The following SORL1 variants were observed in gnomAD, a reference collection of about 807,000 sequenced individuals.
The protein encoded by SORL1 is sortilin related receptor 1, also known as sortilin-related receptor.
Under a neutral mutation model 273.7 loss-of-function variants are expected in SORL1, and 127 were observed. The observed-to-expected ratio is 0.46, with a 90% CI of 0.40 to 0.54. The LOEUF (loss-of-function observed/expected upper bound fraction) is 0.54. Ranked by LOEUF, SORL1 falls within the 20% of genes least tolerant of loss-of-function variation. The probability of loss-of-function intolerance (pLI) is 0.00; values close to 1 mark genes in which losing one functional copy is unlikely to be tolerated. For missense variants in SORL1, 2,494 were observed against 2,846.1 expected (o/e 0.88, Z 2.81); for synonymous variants, 1,031 against 1,067.4 (o/e 0.97, Z 0.66).
At chr11:121,461,531 C>T (rs1201260721) in intron 1 of SORL1, among the ~76,000 whole-genome samples, 1 of 152,168 alleles carries the variant, frequency 6.6e-6, no homozygotes, top group Non-Finnish European at 1.5e-5. Flanking sequence ...TTATAGCTGC[C>T]CTCACAGGGT....
intron 3 of SORL1, among the ~76,000 whole-genome samples, chr11:121,479,828 G>A (rs553426951): frequency 9.2e-5 from 14 of 152,100 alleles, no homozygotes; most frequent in Non-Finnish European, 1.9e-4. Context: ...GAGTGGAGTG[G>A]CAGTTAGGAG....
At chr11:121,537,157 A>T (rs1862278944) in intron 12 of SORL1, among the ~76,000 whole-genome samples, 1 of 152,202 alleles carries the variant, frequency 6.6e-6, no homozygotes, top group African/African-American at 2.4e-5. Context: ...CCAGGTGGGA[A>T]GTAGTGAGAA....
At chr11:121,510,131 C>G (rs1346375921) in intron 6 of SORL1, among the ~76,000 whole-genome samples, 1 of 152,116 alleles carries the variant, frequency 6.6e-6, no homozygotes, top group Admixed American at 6.5e-5. Context: ...GGAAAGATGT[C>G]TAAGATACAT....
At chr11:121,486,664 A>G (rs962368699) in intron 3 of SORL1, among the ~76,000 whole-genome samples, 3 of 151,928 alleles carry the variant, frequency 2.0e-5, no homozygotes, top group Non-Finnish European at 4.4e-5. Flanking sequence ...TATTTTTAGT[A>G]GAGATGGGTT....
rs1387714225 is a variant in SORL1, at chr11:121,452,672, C to T, written c.285+56C>T. The T allele has an allele frequency of 9.5e-6, 13 of 1,370,790 alleles. No homozygotes were observed. The highest frequency in any genetic ancestry group is 1.1e-5 in the Non-Finnish European group (12 of 1,058,004). 84.9% of individuals were successfully genotyped at this position (1,370,790 alleles called of 1,614,324 possible). On this transcript the variant is annotated intron_variant, in intron 1 of 47. Transcript: ENST00000260197. This position sits in a 1 kb window ranked among gnomAD's most constrained non-coding sequence, Gnocchi z 5.3. ...GTTTTTTCCTCTCCCTGCACTTCCT[C>T]ACCCCCGCATCCATCCGTTGCAGTC... is the stretch of plus-strand genomic sequence containing the variant.
chr11:121,614,497 A>G (rs1390900793), intron 40 of SORL1: 1 of 186,586 alleles, frequency 5.4e-6, no homozygotes, highest in Non-Finnish European at 1.1e-5. Flanking sequence ...CTGCTGTAAC[A>G]CTGTGATGGG....
At position 121,618,953 on chromosome 11, in the gene SORL1, T is replaced by G. The variant is rs1863681564; in HGVS notation, c.5724+60T>G. 3.8e-6 allele frequency: 6 copies of G among 1,595,008 alleles called. No individual in the cohort carries two copies. In the Admixed American group the frequency reaches 1.0e-4, roughly 27 times the overall value. On this transcript the variant is annotated intron_variant, in intron 42 of 47. Transcript: ENST00000260197. ...ATGTCTTAAGTCCTGGGCTCTGGTC[T>G]CAACCCAGGACCTGGGGAGCTTGCA...
At chr11:121,504,071 A>G (rs1861752610) in intron 6 of SORL1, among the ~76,000 whole-genome samples, 1 of 152,080 alleles carries the variant, frequency 6.6e-6, no homozygotes, top group Non-Finnish European at 1.5e-5. Flanking sequence ...ATTTCTTTCA[A>G]CTGGGTTTTC....
intron 23 of SORL1, among the ~76,000 whole-genome samples, chr11:121,570,789 A>C (rs953797774): frequency 1.3e-5 from 2 of 152,216 alleles, no homozygotes; most frequent in Admixed American, 1.3e-4. Context: ...ATTGGTGTAC[A>C]TGCCATGTAA....
At chr11:121,530,739 T>A (rs980500708) in intron 11 of SORL1, among the ~76,000 whole-genome samples, 2 of 152,196 alleles carry the variant, frequency 1.3e-5, no homozygotes, top group African/African-American at 4.8e-5. Context: ...CTCCCATCCC[T>A]TTCTCCTGTT....
chr11:121,589,448 C>T, intron 29 of SORL1, 58 bp downstream of exon 29: 1 of 1,597,522 alleles, frequency 6.3e-7, no homozygotes, highest in Admixed American at 1.7e-5. Flanking sequence ...GTGATGCCTG[C>T]AGTTACAGGG....
chr11:121,476,539 G>A (rs1430822306), intron 2 of SORL1, among the ~76,000 whole-genome samples: 5 of 152,162 alleles, frequency 3.3e-5, no homozygotes, highest in Non-Finnish European at 5.9e-5. Flanking sequence ...CATGCCCATC[G>A]TGTCTAAAGA....
At chr11:121,571,208 C>T (rs931599225) in intron 23 of SORL1, among the ~76,000 whole-genome samples, 2 of 152,210 alleles carry the variant, frequency 1.3e-5, no homozygotes, top group Non-Finnish European at 2.9e-5. Context: ...CAGGCCCTAG[C>T]AAAGAGCTCT....
At chr11:121,551,479 G>A (rs1446144547) in intron 16 of SORL1, among the ~76,000 whole-genome samples, 1 of 152,154 alleles carries the variant, frequency 6.6e-6, no homozygotes, top group African/African-American at 2.4e-5. Flanking sequence ...ATGAAATTAT[G>A]ATACTTTGAA....
At chr11:121,477,686 T>C (rs991632538) in intron 2 of SORL1, among the ~76,000 whole-genome samples, 2 of 152,090 alleles carry the variant, frequency 1.3e-5, no homozygotes, top group African/African-American at 2.4e-5. Flanking sequence ...TCATTTCCTA[T>C]CAGGCACCTA....
intron 26 of SORL1, among the ~76,000 whole-genome samples, chr11:121,585,486 AAAAAAAATGT>A (rs1863083062): frequency 7.0e-6 from 1 of 142,680 alleles, no homozygotes; most frequent in South Asian, 2.3e-4. Flanking sequence ...CTGCCTTAAA[AAAAAAAATGT>A]ATATACACAC....
At chr11:121,489,189 C>T (rs1861516609) in intron 4 of SORL1, among the ~76,000 whole-genome samples, 1 of 151,936 alleles carries the variant, frequency 6.6e-6, no homozygotes, top group African/African-American at 2.4e-5. Context: ...TTATCAGGGC[C>T]CATTACTGTT....
intron 28 of SORL1, among the ~76,000 whole-genome samples, chr11:121,588,561 T>C (rs1244278891): frequency 6.6e-6 from 1 of 152,206 alleles, no homozygotes; most frequent in Non-Finnish European, 1.5e-5. Context: ...TGGACCTGTC[T>C]GTTCATTTTG....
chr11:121,457,370 C>A (rs992910239), intron 1 of SORL1, among the ~76,000 whole-genome samples: 1 of 152,184 alleles, frequency 6.6e-6, no homozygotes, highest in Non-Finnish European at 1.5e-5. Flanking sequence ...GCCCCCTGTT[C>A]ACCCAGAGCT....
Sources: gnomAD v4.1 joint callset for allele counts (sites outside exome capture counted in the v4.1 genomes callset) on GRCh38, gnomAD v4.1.1 for gene constraint, Gnocchi (gnomAD v3.1) non-coding constraint, MANE v1.5 for transcripts, NCBI Gene and HGNC (gene_info 2026-07-23, HGNC 2026-07-21) for gene names.